Variants in TMEM68 observed in about 807,000 individuals in gnomAD.
The protein encoded by TMEM68 is DGAT1/2-independent enzyme synthesizing storage lipids.
TMEM68 carries 25 observed loss-of-function variants against 36.9 expected under a neutral mutation model. The observed-to-expected ratio is 0.68, with a 90% CI of 0.49 to 0.95. The LOEUF (loss-of-function observed/expected upper bound fraction) is 0.95. Ranked by LOEUF, TMEM68 falls within the 40% of genes least tolerant of loss-of-function variation. The pLI is 0.00. For missense variants in TMEM68, 333 were observed against 392.0 expected, an observed-to-expected ratio of 0.85 and a Z score of 1.27; for synonymous variants, 131 against 124.4, an observed-to-expected ratio of 1.05 and a Z score of -0.35.
chr8:55,759,502 C>T (rs552651615), intron 3 of TMEM68, among the ~76,000 whole-genome samples: 6 of 151,782 alleles, frequency 4.0e-5, no homozygotes, highest in African/African-American at 7.3e-5. Context: ...ACTTGGGAGG[C>T]GGAGGTTGCA....
At chr8:55,756,745 C>A (rs1810619893) in intron 3 of TMEM68, among the ~76,000 whole-genome samples, 2 of 151,950 alleles carry the variant, frequency 1.3e-5, no homozygotes, top group African/African-American at 2.4e-5. Context: ...CAGAAGAGAG[C>A]CTATCACAGG....
chr8:55,755,128 A>G (rs899387172), intron 4 of TMEM68, among the ~76,000 whole-genome samples: 3 of 150,930 alleles, frequency 2.0e-5, no homozygotes, highest in African/African-American at 7.3e-5. Flanking sequence ...GCAAGACCCC[A>G]TATCTAAATA....
intron 1 of TMEM68, among the ~76,000 whole-genome samples, chr8:55,769,256 G>A (rs1433322989): frequency 8.0e-6 from 1 of 125,096 alleles, no homozygotes; most frequent in Non-Finnish European, 1.6e-5. Flanking sequence ...CCGGGAGGCA[G>A]AGGTTATATA....
At chr8:55,755,922 T>A (rs555854036) in intron 4 of TMEM68, among the ~76,000 whole-genome samples, 1 of 151,834 alleles carries the variant, frequency 6.6e-6, no homozygotes, top group South Asian at 2.1e-4. Flanking sequence ...TATATTTTTT[T>A]AAAAAGGAAA....
intron 3 of TMEM68, among the ~76,000 whole-genome samples, chr8:55,756,831 G>A (rs1810622898): frequency 6.6e-6 from 1 of 152,080 alleles, no homozygotes; most frequent in Admixed American, 6.6e-5. Context: ...GTGAAATGGG[G>A]GCATCCACAA....
At chr8:55,771,155 C>CA (rs113484781) in intron 1 of TMEM68, among the ~76,000 whole-genome samples, 23,654 of 126,290 alleles carry the variant, frequency 0.19, 2,266 homozygotes, top group East Asian at 0.34. Context: ...TCTCCGTCTC[C>CA]AAAAAAAAAA....
chr8:55,742,805 G>GT (rs201440317), intron 7 of TMEM68, among the ~76,000 whole-genome samples: 6,001 of 142,818 alleles, frequency 0.042, 167 homozygotes, highest in African/African-American at 0.085. Context: ...CATTTGTAGG[G>GT]TTTTTTTTTT....
At position 55,751,667 on chromosome 8, in the gene TMEM68, TA is replaced by T. The variant is rs1485087003; in HGVS notation, c.494-511del. The T allele has an allele frequency of 1.2e-5, 3 of 242,142 alleles. No homozygotes were observed. In the South Asian group the frequency reaches 1.4e-4, roughly 11 times the overall value. The allele number at this position is 242,142 out of a possible 1,614,324, so 15.0% of individuals were successfully genotyped here. A position where few individuals can be genotyped will look rare whatever the true frequency, so the allele number is the denominator to read the frequency against. On this transcript the variant is annotated intron_variant, in intron 4 of 7. Transcript: ENST00000434581. ...AGTTAGATAATGCTAATTCTATAAT[TA>T]AATTTTTAAAATAGCAAACATCATT...
intron 1 of TMEM68, among the ~76,000 whole-genome samples, chr8:55,769,018 T>TAAA (rs200493179): frequency 2.4e-5 from 2 of 82,096 alleles, no homozygotes; most frequent in Admixed American, 1.3e-4. Flanking sequence ...ACTCTGTCTT[T>TAAA]AAAAAAAAAA....
At chr8:55,742,418 C>T (rs1224241921) in intron 7 of TMEM68, among the ~76,000 whole-genome samples, 1 of 152,056 alleles carries the variant, frequency 6.6e-6, no homozygotes, top group Non-Finnish European at 1.5e-5. Flanking sequence ...CTATGTTTTA[C>T]CATATTATGT....
At chr8:55,746,846 A>G (rs1810294325) in intron 5 of TMEM68, 1 of 152,214 alleles carries the variant, frequency 6.6e-6, no homozygotes, top group African/African-American at 2.4e-5. Context: ...TACTGCAAGG[A>G]CATTGTTTTG....
chr8:55,742,672 C>T (rs1042845054), intron 7 of TMEM68, among the ~76,000 whole-genome samples: 3 of 151,866 alleles, frequency 2.0e-5, no homozygotes, highest in Non-Finnish European at 4.4e-5. Flanking sequence ...CCCAAGGTGC[C>T]GGGATTACAA....
At chr8:55,745,195 G>A in intron 5 of TMEM68, 74 bp from the exon 6 acceptor site, 1 of 1,017,430 alleles carries the variant, frequency 9.8e-7, no homozygotes, top group Non-Finnish European at 1.3e-6. Context: ...AGTAACTAAT[G>A]CAAACTTTTT....
chr8:55,757,480 G>A (rs1269671681), intron 3 of TMEM68, among the ~76,000 whole-genome samples: 1 of 152,196 alleles, frequency 6.6e-6, no homozygotes, highest in African/African-American at 2.4e-5. Context: ...TGAAGCTGGA[G>A]AGTAAAGAGA....
At chr8:55,750,689 A>G (rs1810404582) in intron 5 of TMEM68, among the ~76,000 whole-genome samples, 2 of 151,902 alleles carry the variant, frequency 1.3e-5, no homozygotes, top group African/African-American at 4.8e-5. Flanking sequence ...ACAGGCATGC[A>G]CCACCATGCC....
rs114920582 is a variant in TMEM68 at position 55,765,791 on chromosome 8, G to C, written c.-114-1811C>G. Reference sequence around the variant, plus strand: ...GGGAACACAGTGGATGACATGAATGGGCTTAGGAGCCAGACTGAACATACT... The same window carrying C: ...GGGAACACAGTGGATGACATGAATGCGCTTAGGAGCCAGACTGAACATACT... On this transcript the variant is annotated intron_variant, in intron 1 of 7. Transcript: ENST00000434581. Among the ~76,000 whole-genome samples, 589 of 152,252 alleles carry C rather than the reference G, an allele frequency of 3.9e-3. 3 individuals are homozygous for C. Among genetic ancestry groups the C allele is most frequent in the African/African-American group, 0.013 (554 of 41,550 alleles).
Position 55,745,135 on chromosome 8 carries a change from G to GA in TMEM68, c.688-15dup, listed in dbSNP as rs1810231815. On this transcript the variant is annotated splice_polypyrimidine_tract_variant and intron_variant, in intron 5 of 7. Transcript: ENST00000434581. ...AGGAATAATGGGCTAAAGAAAAGGA[G>GA]AATTTGAATTAAAAAGTAAATAAAT... is the stretch of plus-strand genomic sequence containing the variant. The GA allele has an allele frequency of 7.0e-7, 1 of 1,435,852 alleles. No homozygotes were observed. The highest frequency in any genetic ancestry group is 9.2e-7 in the Non-Finnish European group (1 of 1,083,734). The allele number at this position is 1,435,852 out of a possible 1,614,324, so 88.9% of individuals were successfully genotyped here. A position where few individuals can be genotyped will look rare whatever the true frequency, so the allele number is the denominator to read the frequency against.
intron 3 of TMEM68, among the ~76,000 whole-genome samples, chr8:55,758,713 G>T (rs1365164069): frequency 1.3e-5 from 2 of 152,212 alleles, no homozygotes; most frequent in Non-Finnish European, 2.9e-5. Flanking sequence ...GGCTGAGGTG[G>T]GATGATTGCT....
In TMEM68 at chr8:55,756,320, A is replaced by G. The variant is rs118132656; in HGVS notation, c.417T>C (p.Tyr139=). The G allele has an allele frequency of 2.9e-3, 4,737 of 1,605,934 alleles. 106 individuals carry two copies. The East Asian group carries it at 0.041, about 14-fold the overall frequency. ...TGTGTATAAATATTTTAGCCATGAA[A>G]TAGTAAAAATCTATAGGAATAGCTC... The part of the protein sequence containing the change: ...YHGAIPIDFY[Y]FMAKIFIHKG... Residue 139 remains tyrosine (Y), a synonymous_variant, in exon 4 of 8, where the codon TAT becomes TAC. Transcript: ENST00000434581.
Sources: allele counts gnomAD v4.1 joint callset (sites outside exome capture counted in the v4.1 genomes callset), GRCh38; gene constraint gnomAD v4.1.1; transcripts MANE v1.5; gene names NCBI Gene and HGNC (gene_info 2026-07-23, HGNC 2026-07-21).